Variants in BFSP1 observed in about 807,000 individuals in gnomAD.
BFSP1 encodes the protein filensin.
A neutral mutation model predicts 43.9 loss-of-function variants in BFSP1; 38 were observed. That is an observed-to-expected ratio of 0.87 (90% CI 0.67 to 1.14). The LOEUF is 1.14. Among genes scored for constraint, BFSP1 ranks in the 50% most tolerant of loss-of-function variants. The probability of loss-of-function intolerance (pLI) is 0.00; values close to 1 mark genes in which losing one functional copy is unlikely to be tolerated. For missense variants in BFSP1, 850 were observed against 875.1 expected, an observed-to-expected ratio of 0.97 and a Z score of 0.36; for synonymous variants, 352 against 354.8, an observed-to-expected ratio of 0.99 and a Z score of 0.09.
intron 1 of BFSP1, among the ~76,000 whole-genome samples, chr20:17,549,085 A>T (rs1025867146): frequency 3.3e-5 from 5 of 152,204 alleles, no homozygotes; most frequent in African/African-American, 1.2e-4. Flanking sequence ...TGTTGGGATT[A>T]TAGGTGTGAG....
intron 1 of BFSP1, among the ~76,000 whole-genome samples, chr20:17,542,877 C>A (rs1388313713): frequency 6.6e-6 from 1 of 152,058 alleles, no homozygotes; most frequent in Admixed American, 6.5e-5. Flanking sequence ...TAATAAATTG[C>A]CTTATAAAGT....
chr20:17,553,079 T>G (rs908885726), intron 1 of BFSP1, among the ~76,000 whole-genome samples: 3 of 152,002 alleles, frequency 2.0e-5, no homozygotes, highest in African/African-American at 7.3e-5. Flanking sequence ...GGTTAGGAGA[T>G]GAAGAGGAAC....
At chr20:17,550,975 C>T (rs142648066) in intron 1 of BFSP1, among the ~76,000 whole-genome samples, 1 of 152,282 alleles carries the variant, frequency 6.6e-6, no homozygotes, top group Non-Finnish European at 1.5e-5. Flanking sequence ...CACTCTGGCT[C>T]TCCTATGCTC....
chr20:17,526,493 T>C (rs1600663377), intron 1 of BFSP1, among the ~76,000 whole-genome samples: 1 of 152,356 alleles, frequency 6.6e-6, no homozygotes, highest in East Asian at 1.9e-4. Flanking sequence ...TTGTAGCATA[T>C]GTCAGAATTA....
chr20:17,527,499 G>A (rs912358549), intron 1 of BFSP1, among the ~76,000 whole-genome samples: 5 of 152,096 alleles, frequency 3.3e-5, no homozygotes, highest in Admixed American at 6.6e-5. Context: ...AGGCCGAGGC[G>A]GGCAGATCAC....
At chr20:17,563,899 A>C (rs2035091113), upstream of BFSP1, among the ~76,000 whole-genome samples, 1 of 151,586 alleles carries the variant, frequency 6.6e-6, no homozygotes, top group African/African-American at 2.4e-5. Flanking sequence ...AAAAAAAAAA[A>C]AAAAAAAAGA....
chr20:17,544,787 C>G (rs58874627), intron 1 of BFSP1, among the ~76,000 whole-genome samples: 1 of 152,174 alleles, frequency 6.6e-6, no homozygotes, highest in East Asian at 1.9e-4. Flanking sequence ...ATCATGAAAA[C>G]GTAAAACATC....
At chr20:17,546,064 C>G (rs2034796105) in intron 1 of BFSP1, among the ~76,000 whole-genome samples, 1 of 152,154 alleles carries the variant, frequency 6.6e-6, no homozygotes, top group African/African-American at 2.4e-5. Flanking sequence ...GGGTCTGGAT[C>G]AAGACCACTG....
At chr20:17,546,453 C>A (rs2034802327) in intron 1 of BFSP1, among the ~76,000 whole-genome samples, 1 of 152,166 alleles carries the variant, frequency 6.6e-6, no homozygotes, top group Admixed American at 6.5e-5. Flanking sequence ...GTAATCCCAG[C>A]ACTTTGTGAG....
At chr20:17,522,073 C>T (rs762694636) in intron 2 of BFSP1, among the ~76,000 whole-genome samples, 3 of 152,144 alleles carry the variant, frequency 2.0e-5, no homozygotes, top group Admixed American at 1.3e-4. Context: ...CTGGCATGGC[C>T]CAAGGTGTGT....
intron 3 of BFSP1, among the ~76,000 whole-genome samples, chr20:17,513,463 C>G (rs1291057429): frequency 6.6e-6 from 1 of 152,148 alleles, no homozygotes; most frequent in Non-Finnish European, 1.5e-5. Flanking sequence ...AAAACTGGCC[C>G]AGGCACTGTT....
At chr20:17,551,140 A>G (rs990544511) in intron 1 of BFSP1, among the ~76,000 whole-genome samples, 1 of 152,152 alleles carries the variant, frequency 6.6e-6, no homozygotes, top group East Asian at 1.9e-4. Flanking sequence ...ATTGCTATAA[A>G]TACCTTAGAC....
rs34002192 is a variant in BFSP1, at chr20:17,539,105, C to CTTCTTTTTTTT, written c.3-14198_3-14197insAAAAAAAAGAA. Among the ~76,000 whole-genome samples the CTTCTTTTTTTT allele has an allele frequency of 3.0e-4, 19 of 63,564 alleles. 1 individual carries two copies. Among genetic ancestry groups the CTTCTTTTTTTT allele is most frequent in the East Asian group, 5.1e-4 (1 of 1,964 alleles). The allele number at this position is 63,564 out of a possible 152,430, so 41.7% of individuals were successfully genotyped here. A position where few individuals can be genotyped will look rare whatever the true frequency, so the allele number is the denominator to read the frequency against. On this transcript the variant is annotated intron_variant, in intron 1 of 7. Coordinates refer to the BFSP1 transcript ENST00000377868. ...TGCATCCATGAATATATTTCTTCTT[C>CTTCTTTTTTTT]TTTTTTTTTTTTTTTTTTTTTTTTT...
intron 1 of BFSP1, among the ~76,000 whole-genome samples, chr20:17,557,351 T>A (rs2035009311): frequency 6.6e-6 from 1 of 152,154 alleles, no homozygotes; most frequent in Non-Finnish European, 1.5e-5. Context: ...TCATTGCATA[T>A]CCCTTCCCAC....
chr20:17,534,271 C>T (rs1214194677), upstream of BFSP1, among the ~76,000 whole-genome samples: 1 of 152,168 alleles, frequency 6.6e-6, no homozygotes, highest in East Asian at 1.9e-4. Context: ...AGTTTGGGGG[C>T]AGGGACAGGA....
intron 3 of BFSP1, 47 bp from the exon 4 acceptor site, chr20:17,512,115 G>A (rs530242968): frequency 6.7e-7 from 1 of 1,497,028 alleles, no homozygotes. Context: ...AGCTGCGCTG[G>A]TTTTTCCTTC....
intron 5 of BFSP1, among the ~76,000 whole-genome samples, chr20:17,503,748 C>T (rs2033862108): frequency 6.6e-6 from 1 of 152,250 alleles, no homozygotes; most frequent in African/African-American, 2.4e-5. Context: ...TGCACACACA[C>T]ACACTCTGTC....
At chr20:17,497,481 C>T (rs945869677) in intron 6 of BFSP1, among the ~76,000 whole-genome samples, 9 of 92,216 alleles carry the variant, frequency 9.8e-5, no homozygotes, top group South Asian at 3.8e-4. Flanking sequence ...CGTATATATA[C>T]GTGTGTATAT....
Position 17,531,008 on chromosome 20 carries a change from G to A in BFSP1, c.322C>T (p.Arg108Trp), listed in dbSNP as rs2034521815. 1.4e-6 allele frequency: 2 copies of A among 1,435,250 alleles called. No homozygotes were observed. Among genetic ancestry groups the A allele is most frequent in the African/African-American group, 3.0e-5 (2 of 67,176 alleles). The allele number at this position is 1,435,250 out of a possible 1,614,324, so 88.9% of individuals were successfully genotyped here. ...RVRDLEAERA[R>W]LERQGTEAQR... ...GCCTCGGTGCCCTGGCGCTCCAGCC[G>A]GGCGCGCTCGGCCTCCAGGTCCCGG... The change falls in exon 1 of 8, where the codon CGG (arginine) becomes TGG (tryptophan). Residue 108 changes from arginine (R) to tryptophan (W), a missense_variant. Arg to Trp is a moderately radical substitution (Grantham distance 101). Transcript: ENST00000377873.
Sources: gnomAD v4.1 joint callset for allele counts (sites outside exome capture counted in the v4.1 genomes callset) on GRCh38, gnomAD v4.1.1 for gene constraint, MANE v1.5 for transcripts, NCBI Gene and HGNC (gene_info 2026-07-23, HGNC 2026-07-21) for gene names.